PTPRT: variants seen among roughly 807,000 people sequenced by gnomAD.
PTPRT encodes the protein protein tyrosine phosphatase receptor type T.
PTPRT carries 56 observed loss-of-function variants against 176.8 expected under a neutral mutation model. That is an observed-to-expected ratio of 0.32 (90% confidence interval 0.26 to 0.40). The LOEUF (loss-of-function observed/expected upper bound fraction) is 0.40, where lower values mean the gene tolerates loss of function less well. PTPRT is among the 10% of genes least tolerant of loss of function. PTPRT has a pLI of 1.00. For missense variants in PTPRT, 1,540 were observed against 1,908.2 expected (o/e 0.81, Z 3.60); for synonymous variants, 783 against 739.0 (o/e 1.06, Z -0.96).
chr20:42,767,544 T>C (rs1484578206), intron 5 of PTPRT, among the ~76,000 whole-genome samples: 1 of 151,698 alleles, frequency 6.6e-6, no homozygotes, highest in East Asian at 1.9e-4. Context: ...TTTCCTTCCA[T>C]ATAGGAAGGA....
At chr20:42,508,961 A>G (rs1271067328) in intron 7 of PTPRT, among the ~76,000 whole-genome samples, 1 of 138,526 alleles carries the variant, frequency 7.2e-6, no homozygotes, top group South Asian at 2.2e-4. Context: ...TATTTAATTT[A>G]TAGATATAAA....
At chr20:42,162,018 TG>T (rs1568980912) in intron 16 of PTPRT, among the ~76,000 whole-genome samples, 2 of 152,190 alleles carry the variant, frequency 1.3e-5, no homozygotes, top group African/African-American at 4.8e-5. Context: ...CCTGCATGGC[TG>T]TGACCTGGCT....
chr20:42,667,809 G>C (rs2075342092), intron 7 of PTPRT, among the ~76,000 whole-genome samples: 2 of 152,188 alleles, frequency 1.3e-5, no homozygotes. Flanking sequence ...GTGCCACTTT[G>C]CTTCCAGGCA....
In PTPRT at chr20:42,718,309, G is replaced by A. The variant is rs369717136; in HGVS notation, c.859+38153C>T. On this transcript the variant is annotated intron_variant, in intron 6 of 30. Coordinates refer to ENST00000373187, the MANE Select transcript of PTPRT (RefSeq NM_007050.6). Reference sequence around the variant, plus strand: ...TCCCAGCACTTTGGGAGGCCGAGGCGGGTGGATCACGAGGTCAGGGGATCA... The same window carrying A: ...TCCCAGCACTTTGGGAGGCCGAGGCAGGTGGATCACGAGGTCAGGGGATCA... Among the ~76,000 whole-genome samples, 16 of 152,248 alleles carry A rather than the reference G, an allele frequency of 1.1e-4. No homozygotes were observed. The South Asian group carries it at 2.7e-3, about 26-fold the overall frequency.
intron 7 of PTPRT, among the ~76,000 whole-genome samples, chr20:42,599,735 T>A (rs1307459237): frequency 6.6e-6 from 1 of 152,152 alleles, no homozygotes; most frequent in African/African-American, 2.4e-5. Context: ...TCAAAGAGCA[T>A]GTACAATGGG....
intron 1 of PTPRT, among the ~76,000 whole-genome samples, chr20:43,010,615 A>G (rs909853846): frequency 6.6e-6 from 1 of 152,206 alleles, no homozygotes; most frequent in Admixed American, 6.5e-5. Context: ...ACTGGTTGAC[A>G]GCATCATCGT....
At chr20:43,070,664 T>A (rs1171038822) in intron 1 of PTPRT, among the ~76,000 whole-genome samples, 1 of 152,182 alleles carries the variant, frequency 6.6e-6, no homozygotes, top group East Asian at 1.9e-4. Flanking sequence ...GATGAGTTCA[T>A]GTCCTTTGTA....
intron 1 of PTPRT, among the ~76,000 whole-genome samples, chr20:42,975,166 C>T (rs935646635): frequency 2.0e-5 from 3 of 152,080 alleles, no homozygotes; most frequent in Non-Finnish European, 4.4e-5. Context: ...TTTTCCATTG[C>T]TTTGAAAATA....
chr20:42,649,998 C>T (rs1231369267), intron 7 of PTPRT, among the ~76,000 whole-genome samples: 1 of 152,182 alleles, frequency 6.6e-6, no homozygotes, highest in Non-Finnish European at 1.5e-5. Context: ...CCCCACCCTC[C>T]ACCACTCTGC....
intron 1 of PTPRT, among the ~76,000 whole-genome samples, chr20:43,107,192 A>G (rs1348375045): frequency 6.6e-6 from 1 of 152,200 alleles, no homozygotes; most frequent in Non-Finnish European, 1.5e-5. Flanking sequence ...AAGATGCCAG[A>G]TGACCCAAAC....
intron 18 of PTPRT, among the ~76,000 whole-genome samples, chr20:42,133,882 G>A (rs1600568682): frequency 6.6e-6 from 1 of 152,184 alleles, no homozygotes; most frequent in Non-Finnish European, 1.5e-5. Flanking sequence ...GTACACAGCA[G>A]GTGCTTAATA....
chr20:42,500,599 C>T (rs1426041870), intron 7 of PTPRT, among the ~76,000 whole-genome samples: 1 of 152,040 alleles, frequency 6.6e-6, no homozygotes, highest in Non-Finnish European at 1.5e-5. Context: ...ATTCTCTGCC[C>T]TTACTGGCTG....
At chr20:43,185,930 CA>C (rs11476337) in intron 1 of PTPRT, among the ~76,000 whole-genome samples, 91,616 of 146,916 alleles carry the variant, frequency 0.62, 32,039 homozygotes, top group Non-Finnish European at 0.79. Flanking sequence ...AGACTGATCT[CA>C]AAAAAAAAAA....
chr20:43,094,270 T>A (rs1312472479), intron 1 of PTPRT, among the ~76,000 whole-genome samples: 1 of 150,224 alleles, frequency 6.7e-6, no homozygotes, highest in Non-Finnish European at 1.5e-5. Flanking sequence ...GTTTTTTTAG[T>A]AGAGACGGGG....
intron 1 of PTPRT, among the ~76,000 whole-genome samples, chr20:43,112,786 C>G (rs531389489): frequency 2.0e-5 from 3 of 152,342 alleles, no homozygotes; most frequent in Admixed American, 6.5e-5. Flanking sequence ...AAAACAGAGA[C>G]ACTTGCTGCT....
At chr20:42,422,388 A>G (rs2059126172) in intron 9 of PTPRT, among the ~76,000 whole-genome samples, 1 of 152,226 alleles carries the variant, frequency 6.6e-6, no homozygotes, top group Non-Finnish European at 1.5e-5. Flanking sequence ...AAGTGGGCAA[A>G]AAATATGAGC....
At chr20:42,108,299 G>C (rs754233180) in intron 23 of PTPRT, among the ~76,000 whole-genome samples, 2 of 152,196 alleles carry the variant, frequency 1.3e-5, no homozygotes, top group Middle Eastern at 3.4e-3. Context: ...TATTTGAAAA[G>C]ACCCCCTAGG....
intron 15 of PTPRT, among the ~76,000 whole-genome samples, chr20:42,200,546 G>A (rs1991407857): frequency 6.6e-6 from 1 of 152,080 alleles, no homozygotes; most frequent in African/African-American, 2.4e-5. Flanking sequence ...CCTCACTGAG[G>A]AACTAAAAAG....
At chr20:42,232,449 G>C (rs1354693072) in intron 15 of PTPRT, among the ~76,000 whole-genome samples, 2 of 152,168 alleles carry the variant, frequency 1.3e-5, no homozygotes, top group Admixed American at 1.3e-4. Flanking sequence ...CTACCTCTCT[G>C]ACAAGCTCCC....
Sources: allele counts gnomAD v4.1 joint callset (sites outside exome capture counted in the v4.1 genomes callset), GRCh38; gene constraint gnomAD v4.1.1; transcripts MANE v1.5; gene names NCBI Gene and HGNC (gene_info 2026-07-23, HGNC 2026-07-21).